MIER1: variants seen among roughly 807,000 people sequenced by gnomAD.
MIER1 encodes the protein MIER1 transcriptional regulator, also known as mesoderm induction early response protein 1.
MIER1 carries 40 observed loss-of-function variants against 75.7 expected under a neutral mutation model. The observed-to-expected ratio is 0.53, with a 90% CI of 0.41 to 0.69. MIER1 has a LOEUF of 0.69. Ranked by LOEUF, MIER1 falls within the 30% of genes least tolerant of loss-of-function variation. The probability of loss-of-function intolerance (pLI) is 0.00; values close to 1 mark genes in which losing one functional copy is unlikely to be tolerated. For missense variants in MIER1, 574 were observed against 680.2 expected (o/e 0.84, Z 1.74); for synonymous variants, 213 against 223.4 (o/e 0.95, Z 0.42).
intron 4 of MIER1, among the ~76,000 whole-genome samples, chr1:66,955,154 C>T (rs1449586899): frequency 6.6e-6 from 1 of 152,054 alleles, no homozygotes. Flanking sequence ...TAGTATGTCA[C>T]CTATCCTTTT....
At chr1:66,982,430 C>T (rs1040456366) in intron 13 of MIER1, among the ~76,000 whole-genome samples, 1 of 151,952 alleles carries the variant, frequency 6.6e-6, no homozygotes, top group South Asian at 2.1e-4. Context: ...TTTTTCTCTC[C>T]AAGAAAAAGA....
In MIER1 at chr1:66,984,830, G is replaced by A; in HGVS notation, c.1628G>A (p.Gly543Asp). Residue 543 changes from glycine (G) to aspartate (D), a missense_variant, in exon 14 of 14, where the codon GGT becomes GAT. Gly to Asp is a moderately conservative substitution (Grantham distance 94). Transcript: ENST00000401041. ...AACAGCAATGGAAAAGAAAGTCCAG[G>A]TTCTTCTGAATTTTTCCAAGAAGCA... The part of the protein sequence containing the change: ...RVNSNGKESP[G>D]SSEFFQEAVS... 6.2e-7 allele frequency: 1 copy of A among 1,611,240 alleles called. No individual in the cohort carries two copies. Among genetic ancestry groups the A allele is most frequent in the Non-Finnish European group, 8.5e-7 (1 of 1,179,250 alleles).
chr1:66,988,045 C>A lies in MIER1; in HGVS notation c.*3145C>A, dbSNP rs535297583. 1 of 152,160 alleles carries A rather than the reference C, an allele frequency of 6.6e-6. No individual in the cohort carries two copies. Among genetic ancestry groups the A allele is most frequent in the South Asian group, 2.1e-4 (1 of 4,820 alleles). 9.4% of individuals were successfully genotyped at this position (152,160 alleles called of 1,614,324 possible). Reference sequence around the variant, plus strand: ...TTTGTCACAATATTTTCTTTGCTATCGATGGATAATTAGGAGTGGGCACTT... The same window carrying A: ...TTTGTCACAATATTTTCTTTGCTATAGATGGATAATTAGGAGTGGGCACTT... On this transcript the variant is annotated 3_prime_UTR_variant, in exon 14 of 14. Transcript: ENST00000401041.
At chr1:66,944,450 A>G (rs1319327780) in intron 3 of MIER1, among the ~76,000 whole-genome samples, 2 of 150,948 alleles carry the variant, frequency 1.3e-5, no homozygotes, top group Non-Finnish European at 3.0e-5. Context: ...ACTACTGCCA[A>G]TGTAGTACAA....
At chr1:66,941,214 G>A (rs886349208) in intron 3 of MIER1, among the ~76,000 whole-genome samples, 7 of 152,182 alleles carry the variant, frequency 4.6e-5, no homozygotes, top group South Asian at 2.1e-4. Context: ...CTCAGCTGAC[G>A]TTGATTTTGT....
chr1:66,939,248 TAACTG>T (rs1201229536), intron 2 of MIER1, among the ~76,000 whole-genome samples: 5 of 152,158 alleles, frequency 3.3e-5, no homozygotes, highest in African/African-American at 4.8e-5. Context: ...AATTGTGAAT[TAACTG>T]AACTAAGATA....
intron 8 of MIER1, among the ~76,000 whole-genome samples, chr1:66,964,426 G>GA (rs1209180549): frequency 3.5e-5 from 5 of 141,286 alleles, no homozygotes; most frequent in Admixed American, 7.3e-5. Context: ...TTGAGTTCCA[G>GA]AAAAAATGCT....
chr1:66,956,641 T>A (rs1660190834), intron 4 of MIER1, among the ~76,000 whole-genome samples: 2 of 152,196 alleles, frequency 1.3e-5, no homozygotes, highest in Admixed American at 1.3e-4. Flanking sequence ...AGCTGGTTAT[T>A]TAGCTAGAGT....
chr1:66,988,023 G>T lies in MIER1; in HGVS notation c.*3123G>T, dbSNP rs1667002558. 6.6e-6 allele frequency: 1 copy of T among 152,356 alleles called. No homozygotes were observed. 9.4% of individuals were successfully genotyped at this position (152,356 alleles called of 1,614,324 possible). A position where few individuals can be genotyped will look rare whatever the true frequency, so the allele number is the denominator to read the frequency against. ...TGTTTTGCAAAATAAAACTTGTTTT[G>T]TCACAATATTTTCTTTGCTATCGAT... On this transcript the variant is annotated 3_prime_UTR_variant, in exon 14 of 14. Coordinates refer to ENST00000401041, the MANE Select transcript of MIER1 (RefSeq NM_001077700.3).
chr1:66,951,937 A>T (rs1302695868), intron 4 of MIER1, among the ~76,000 whole-genome samples: 1 of 152,174 alleles, frequency 6.6e-6, no homozygotes, highest in African/African-American at 2.4e-5. Context: ...TGGGTTCGTA[A>T]TCCAGTTCTA....
chr1:66,936,796 C>G (rs1019489223), intron 2 of MIER1, among the ~76,000 whole-genome samples: 2 of 151,256 alleles, frequency 1.3e-5, no homozygotes, highest in Non-Finnish European at 3.0e-5. Context: ...GTCAGGAGAT[C>G]GAGACCATCC....
intron 4 of MIER1, among the ~76,000 whole-genome samples, chr1:66,953,681 G>A (rs748585062): frequency 8.0e-5 from 12 of 150,450 alleles, no homozygotes; most frequent in Non-Finnish European, 1.5e-4. Context: ...TCAGCTCACT[G>A]CAGCCCCTGC....
intron 2 of MIER1, among the ~76,000 whole-genome samples, chr1:66,934,405 C>CTTTTTTTT (rs34839262): frequency 7.4e-6 from 1 of 135,516 alleles, no homozygotes; most frequent in Non-Finnish European, 1.6e-5. Flanking sequence ...TTCTTTCTTT[C>CTTTTTTTT]TTTTTTTTTT....
chr1:66,961,565 T>G (rs1439671511), intron 7 of MIER1, among the ~76,000 whole-genome samples: 1 of 152,210 alleles, frequency 6.6e-6, no homozygotes, highest in Non-Finnish European at 1.5e-5. Flanking sequence ...TTTAAACTAA[T>G]CCAGATGTTC....
chr1:66,940,338 C>A (rs1655926003), intron 3 of MIER1: 4 of 240,812 alleles, frequency 1.7e-5, no homozygotes. Context: ...TATTGTTTGA[C>A]TTGTAGTATA....
rs1323892686 is a variant in MIER1, at chr1:66,984,936, C to G, written c.*36C>G. On this transcript the variant is annotated 3_prime_UTR_variant, in exon 14 of 14. Transcript: ENST00000401041. ...TATTTTACTTTCTTTGGAGTAAATT[C>G]TGGTGTGACTAAAATTTTCAGGGTT... 2.0e-6 allele frequency: 3 copies of G among 1,528,370 alleles called. No homozygotes were observed. In the East Asian group the frequency reaches 6.8e-5, roughly 35 times the overall value. 94.7% of individuals were successfully genotyped at this position (1,528,370 alleles called of 1,614,324 possible). A position where few individuals can be genotyped will look rare whatever the true frequency, so the allele number is the denominator to read the frequency against.
At chr1:66,964,743 C>T (rs1277416699) in intron 8 of MIER1, among the ~76,000 whole-genome samples, 1 of 152,144 alleles carries the variant, frequency 6.6e-6, no homozygotes, top group Non-Finnish European at 1.5e-5. Flanking sequence ...TGAGCCACTG[C>T]ACCTGGCCGT....
chr1:66,949,847 ACT>A (rs1658511225), intron 4 of MIER1, among the ~76,000 whole-genome samples: 2 of 152,274 alleles, frequency 1.3e-5, no homozygotes, highest in Non-Finnish European at 2.9e-5. Flanking sequence ...TTGTGGCAGA[ACT>A]CTGACATTCA....
intron 1 of MIER1, chr1:66,925,465 T>C: frequency 1.0e-6 from 1 of 985,470 alleles, no homozygotes; most frequent in Non-Finnish European, 1.2e-6. Context: ...TGGCTCCGCC[T>C]CTTTCTCCTG....
Sources: gnomAD v4.1 joint callset for allele counts (sites outside exome capture counted in the v4.1 genomes callset) on GRCh38, gnomAD v4.1.1 for gene constraint, MANE v1.5 for transcripts, NCBI Gene and HGNC (gene_info 2026-07-23, HGNC 2026-07-21) for gene names.